Variants in GPM6A observed in about 807,000 individuals in gnomAD.
GPM6A encodes the protein neuronal membrane glycoprotein M6-a.
Under a neutral mutation model 32.1 loss-of-function variants are expected in GPM6A, and 7 were observed. That is an observed-to-expected ratio of 0.22 (90% confidence interval 0.12 to 0.41). The LOEUF (loss-of-function observed/expected upper bound fraction) is 0.41, where lower values mean the gene tolerates loss of function less well. Ranked by LOEUF, GPM6A falls within the 10% of genes least tolerant of loss-of-function variation. The pLI is 1.00. For missense variants in GPM6A, 235 were observed against 347.2 expected, an observed-to-expected ratio of 0.68 and a Z score of 2.57; for synonymous variants, 130 against 123.4, an observed-to-expected ratio of 1.05 and a Z score of -0.35.
intron 3 of GPM6A, among the ~76,000 whole-genome samples, chr4:175,672,570 A>G (rs959326541): frequency 2.0e-5 from 3 of 152,176 alleles, no homozygotes; most frequent in African/African-American, 7.2e-5. Flanking sequence ...CATCAATCCA[A>G]TATCTCTCTG....
chr4:175,833,463 A>G (rs1293949048), intron 1 of GPM6A, among the ~76,000 whole-genome samples: 4 of 152,156 alleles, frequency 2.6e-5, no homozygotes, highest in Non-Finnish European at 5.9e-5. Flanking sequence ...TCCGTAATCC[A>G]GTTCATAGAG....
chr4:175,805,472 C>T (rs1300216056), intron 1 of GPM6A, among the ~76,000 whole-genome samples: 1 of 152,132 alleles, frequency 6.6e-6, no homozygotes, highest in Non-Finnish European at 1.5e-5. Flanking sequence ...GCATGACCAT[C>T]CCCTTTTAGG....
chr4:175,851,704 G>T (rs1005885199), intron 1 of GPM6A, among the ~76,000 whole-genome samples: 1 of 152,140 alleles, frequency 6.6e-6, no homozygotes, highest in Admixed American at 6.6e-5. Flanking sequence ...ACCAACAGGT[G>T]GCACAATATG....
intron 1 of GPM6A, among the ~76,000 whole-genome samples, chr4:175,861,956 A>G (rs953752933): frequency 6.6e-6 from 1 of 151,694 alleles, no homozygotes. Context: ...TTCTATAAAA[A>G]AGTATTAAAT....
chr4:175,731,280 C>T (rs998287175), intron 1 of GPM6A, among the ~76,000 whole-genome samples: 2 of 152,128 alleles, frequency 1.3e-5, no homozygotes, highest in African/African-American at 4.8e-5. Flanking sequence ...CTCCCTGATG[C>T]ACAGCCGGTC....
chr4:175,953,168 T>C (rs1015799829), intron 1 of GPM6A, among the ~76,000 whole-genome samples: 5 of 146,914 alleles, frequency 3.4e-5, no homozygotes, highest in African/African-American at 4.9e-5. Flanking sequence ...TCCTAAATTT[T>C]ATAAAACAAA....
chr4:175,650,266 ATTATTTTATTTATTTATTTAT>A (rs1275665220), intron 4 of GPM6A, among the ~76,000 whole-genome samples: 1 of 147,838 alleles, frequency 6.8e-6, no homozygotes, highest in African/African-American at 2.5e-5. Context: ...CTTTGATTTC[ATTATTTTATTTATTTATTTAT>A]TTATTTATTT....
intron 1 of GPM6A, among the ~76,000 whole-genome samples, chr4:175,757,460 C>T (rs930069477): frequency 3.9e-5 from 6 of 152,068 alleles, no homozygotes; most frequent in African/African-American, 1.4e-4. Context: ...TAAAAATGTT[C>T]GTTGTTGCTT....
intron 1 of GPM6A, among the ~76,000 whole-genome samples, chr4:175,720,670 C>G (rs1746072524): frequency 6.6e-6 from 1 of 152,122 alleles, no homozygotes; most frequent in Non-Finnish European, 1.5e-5. Flanking sequence ...CTTCTATTTT[C>G]TGATGTGTTT....
Position 175,798,053 on chromosome 4 carries a change from C to T in GPM6A, c.37+14138G>A, listed in dbSNP as rs147775470. Among the ~76,000 whole-genome samples the T allele has an allele frequency of 4.0e-3, 611 of 152,146 alleles. 5 individuals carry two copies. Among genetic ancestry groups the T allele is most frequent in the African/African-American group, 0.014 (580 of 41,516 alleles). ...AACTTGAGTTGGGGAAATGAAGTGC[C>T]GTAATCATCAAAAATAGGTGATGCT... On this transcript the variant is annotated intron_variant, in intron 1 of 6. Transcript: ENST00000393658.
intron 2 of GPM6A, among the ~76,000 whole-genome samples, chr4:175,689,736 T>C (rs1744190420): frequency 6.6e-6 from 1 of 152,220 alleles, no homozygotes; most frequent in Non-Finnish European, 1.5e-5. Flanking sequence ...TCACTGTTAA[T>C]TTCTCCCTTC....
At chr4:175,761,900 T>C (rs1732760334) in intron 1 of GPM6A, among the ~76,000 whole-genome samples, 1 of 151,962 alleles carries the variant, frequency 6.6e-6, no homozygotes, top group Admixed American at 6.6e-5. Context: ...GTTCAAGCAA[T>C]TCTCCTGCCT....
intron 1 of GPM6A, among the ~76,000 whole-genome samples, chr4:175,775,440 TG>T (rs911836865): frequency 6.6e-6 from 1 of 152,142 alleles, no homozygotes; most frequent in Non-Finnish European, 1.5e-5. Flanking sequence ...TGAGGAATGT[TG>T]TTTAGCATAT....
intron 2 of GPM6A, among the ~76,000 whole-genome samples, chr4:175,680,711 T>A (rs939520091): frequency 6.6e-6 from 1 of 152,200 alleles, no homozygotes; most frequent in Non-Finnish European, 1.5e-5. Flanking sequence ...GTCCGTCCTG[T>A]TCCTTGTAGG....
At position 175,693,289 on chromosome 4, in the gene GPM6A, CAT is replaced by C. The variant is rs558081209; in HGVS notation, c.230+8284_230+8285del. ...ATATACACATATGCATACATATATA[CAT>C]ATATATATAAAATATACATATATAA... On this transcript the variant is annotated intron_variant, in intron 2 of 6. Transcript: ENST00000393658. Among the ~76,000 whole-genome samples the C allele has an allele frequency of 2.4e-3, 350 of 147,716 alleles. 1 individual carries two copies. Among genetic ancestry groups the C allele is most frequent in the African/African-American group, 8.3e-3 (337 of 40,536 alleles).
At chr4:175,881,195 A>G (rs1386209450) in intron 1 of GPM6A, among the ~76,000 whole-genome samples, 1 of 152,230 alleles carries the variant, frequency 6.6e-6, no homozygotes, top group Non-Finnish European at 1.5e-5. Flanking sequence ...ATATGAAAAG[A>G]CACTTCTCAA....
At chr4:175,646,521 T>G (rs567844698) in intron 4 of GPM6A, among the ~76,000 whole-genome samples, 3 of 152,346 alleles carry the variant, frequency 2.0e-5, no homozygotes, top group Non-Finnish European at 2.9e-5. Context: ...AGGTTCATGA[T>G]GTAAGTGTCA....
At chr4:175,661,146 G>A (rs929736969) in intron 3 of GPM6A, among the ~76,000 whole-genome samples, 1 of 152,134 alleles carries the variant, frequency 6.6e-6, no homozygotes, top group African/African-American at 2.4e-5. Flanking sequence ...TTTAAACAAT[G>A]TTGACACATT....
intron 3 of GPM6A, among the ~76,000 whole-genome samples, chr4:175,668,256 G>A (rs544396381): frequency 2.6e-5 from 4 of 151,850 alleles, no homozygotes; most frequent in South Asian, 2.1e-4. Flanking sequence ...GTTCTGAAGC[G>A]ATATACGAGA....
Sources: gnomAD v4.1 joint callset for allele counts (sites outside exome capture counted in the v4.1 genomes callset) on GRCh38, gnomAD v4.1.1 for gene constraint, MANE v1.5 for transcripts, NCBI Gene and HGNC (gene_info 2026-07-23, HGNC 2026-07-21) for gene names.